EPRS1: variants seen among roughly 807,000 people sequenced by gnomAD.
EPRS1 encodes glutamyl-prolyl-tRNA synthetase 1, also known as bifunctional glutamate/proline--tRNA ligase.
EPRS1 carries 107 observed loss-of-function variants against 188.3 expected under a neutral mutation model. That is an observed-to-expected ratio of 0.57 (90% CI 0.49 to 0.67). The LOEUF (loss-of-function observed/expected upper bound fraction) is 0.67, where lower values mean the gene tolerates loss of function less well. EPRS1 is among the 30% of genes least tolerant of loss of function. The pLI, the probability that EPRS1 is intolerant of heterozygous loss-of-function variation, is 0.00. For synonymous variants in EPRS1, 596 were observed against 593.1 expected, an observed-to-expected ratio of 1.00 and a Z score of -0.07; for missense variants, 1,577 against 1,802.2, an observed-to-expected ratio of 0.88 and a Z score of 2.26.
chr1:219,982,647 A>G, intron 23 of EPRS1, 125 bp downstream of exon 23: 1 of 707,798 alleles, frequency 1.4e-6, no homozygotes, highest in South Asian at 2.0e-5. Context: ...CTTCATCAAC[A>G]TTCATGAAAT....
rs1265460148 is a variant in EPRS1, at chr1:220,007,212, T to C, written c.1732A>G (p.Lys578Glu). 1.2e-6 allele frequency: 2 copies of C among 1,610,442 alleles called. No homozygotes were observed. The highest frequency in any genetic ancestry group is 1.3e-5 in the African/African-American group (1 of 74,750). Residue 578 changes from lysine to glutamate, a missense_variant, in exon 14 of 32, where the codon AAA becomes GAA. This residue lies in a region of EPRS1 where 1,278 missense variants were observed against 1,457.4 expected (regional missense o/e 0.88). Coordinates refer to ENST00000366923, the MANE Select transcript of EPRS1 (RefSeq NM_004446.3). ...FINWGNLNIT[K>E]IHKNADGKII... ...ACAAAAAGTTCTTACTTGTGTATTT[T>C]TGTAATGTTGAGGTTGCCCCAATTT... is the stretch of plus-strand genomic sequence containing the variant.
At chr1:220,013,328 C>G (rs1398975663) in intron 12 of EPRS1, among the ~76,000 whole-genome samples, 1 of 152,102 alleles carries the variant, frequency 6.6e-6, no homozygotes, top group Non-Finnish European at 1.5e-5. Flanking sequence ...AAAACTCAGG[C>G]TGAGAAAACA....
At chr1:220,044,877 G>A (rs1465809044) in intron 1 of EPRS1, among the ~76,000 whole-genome samples, 6 of 152,060 alleles carry the variant, frequency 3.9e-5, no homozygotes, top group Admixed American at 3.9e-4. Flanking sequence ...TTGGACTCAG[G>A]TCTGCAGAAA....
intron 25 of EPRS1, among the ~76,000 whole-genome samples, chr1:219,980,500 T>C (rs192194379): frequency 1.3e-5 from 2 of 152,308 alleles, no homozygotes; most frequent in African/African-American, 2.4e-5. Context: ...AAGAAAGATA[T>C]ACAGTATCAA....
chr1:220,000,385 C>T (rs114676368), intron 17 of EPRS1, among the ~76,000 whole-genome samples: 1,670 of 152,332 alleles, frequency 0.011, 31 homozygotes, highest in African/African-American at 0.037. Context: ...AAAGTCACAG[C>T]TATTTTCACT....
intron 27 of EPRS1, among the ~76,000 whole-genome samples, chr1:219,979,174 C>T (rs1461266678): frequency 6.6e-6 from 1 of 152,018 alleles, no homozygotes. Flanking sequence ...TACTATAAAC[C>T]GTTTTTAAAA....
intron 8 of EPRS1, among the ~76,000 whole-genome samples, chr1:220,022,831 C>T (rs1472037099): frequency 2.0e-5 from 3 of 152,264 alleles, no homozygotes; most frequent in Non-Finnish European, 2.9e-5. Context: ...CCTAGTGTTT[C>T]CCTTCCCATC....
At chr1:220,021,487 C>T (rs538281523) in intron 9 of EPRS1, among the ~76,000 whole-genome samples, 6 of 152,312 alleles carry the variant, frequency 3.9e-5, no homozygotes, top group South Asian at 2.1e-4. Context: ...GCATGAGCCA[C>T]TGTGCCCAGC....
chr1:220,037,864 T>C (rs1662216603), intron 2 of EPRS1, among the ~76,000 whole-genome samples: 1 of 152,114 alleles, frequency 6.6e-6, no homozygotes, highest in African/African-American at 2.4e-5. Flanking sequence ...AATTACTCCA[T>C]GGAAAACTAA....
Position 219,994,422 on chromosome 1 carries a change from C to T in EPRS1, c.2541+2561G>A, listed in dbSNP as rs964376715. ...AAATAATTATCTTGTCTTTATTCAT[C>T]TTTCTTAAATGTATATACAGCTCAC... is the stretch of plus-strand genomic sequence containing the variant. On this transcript the variant is annotated intron_variant, in intron 18 of 31. Transcript: ENST00000366923. 6.6e-5 allele frequency among the ~76,000 whole-genome samples: 10 copies of T among 152,108 alleles called. No homozygotes were observed. The South Asian group carries it at 1.9e-3, about 28-fold the overall frequency.
intron 19 of EPRS1, among the ~76,000 whole-genome samples, 166 bp downstream of exon 19, chr1:219,988,424 C>T (rs1250991958): frequency 6.6e-6 from 1 of 151,282 alleles, no homozygotes; most frequent in Non-Finnish European, 1.5e-5. Context: ...ATCTAGTTGG[C>T]GTAAGAAACA....
intron 2 of EPRS1, among the ~76,000 whole-genome samples, chr1:220,036,941 ATAC>A (rs1368277913): frequency 6.6e-6 from 1 of 152,262 alleles, no homozygotes; most frequent in African/African-American, 2.4e-5. Flanking sequence ...GAACACTCAG[ATAC>A]TAAAAACATA....
At chr1:220,042,670 C>G (rs193095643) in intron 1 of EPRS1, among the ~76,000 whole-genome samples, 4 of 152,006 alleles carry the variant, frequency 2.6e-5, no homozygotes, top group Admixed American at 2.6e-4. Flanking sequence ...GCCTGTAATC[C>G]CAGCACTTTG....
intron 24 of EPRS1, 48 bp downstream of exon 24, chr1:219,981,330 A>G (rs1267535211): frequency 7.5e-7 from 1 of 1,327,332 alleles, no homozygotes; most frequent in Non-Finnish European, 1.0e-6. Flanking sequence ...AAAAAAAAAA[A>G]AAAAGAACAT....
rs1473338633 is a variant in EPRS1, at chr1:220,001,223, A to AT, written c.2095_2096insA (p.Leu699TyrfsTer6). The stretch of plus-strand genomic sequence containing the variant: ...TGTGTGCCCATCAGGAATGTATATC[A>AT]AAACACACGGGGCTTCCTTGCAACT... On this transcript the variant is annotated frameshift_variant, in exon 17 of 32. Coordinates refer to ENST00000366923, the MANE Select transcript of EPRS1 (RefSeq NM_004446.3). LOFTEE classifies it high-confidence loss of function. 1.2e-6 allele frequency: 2 copies of AT among 1,613,728 alleles called. No individual in the cohort carries two copies. The highest frequency in any genetic ancestry group is 1.7e-6 in the Non-Finnish European group (2 of 1,179,616).
chr1:220,043,493 A>C (rs1186210961), intron 1 of EPRS1, among the ~76,000 whole-genome samples: 2 of 152,242 alleles, frequency 1.3e-5, no homozygotes, highest in African/African-American at 4.8e-5. Flanking sequence ...AATCATAAAA[A>C]TCAAGTTAGG....
intron 5 of EPRS1, among the ~76,000 whole-genome samples, chr1:220,032,089 TTTTGA>T (rs947737660): frequency 8.6e-5 from 13 of 151,852 alleles, no homozygotes; most frequent in Non-Finnish European, 1.9e-4. Context: ...ATCTTTTTTT[TTTTGA>T]GATAGAGTCT....
At chr1:220,018,584 T>C (rs1346713589) in intron 11 of EPRS1, 76 bp from the exon 12 acceptor site, 11 of 811,258 alleles carry the variant, frequency 1.4e-5, no homozygotes, top group Middle Eastern at 3.5e-4. Flanking sequence ...ATGCTAAGCA[T>C]GTTTAGAAAA....
At chr1:220,016,423 T>C (rs1359252174) in intron 12 of EPRS1, among the ~76,000 whole-genome samples, 1 of 151,274 alleles carries the variant, frequency 6.6e-6, no homozygotes, top group Non-Finnish European at 1.5e-5. Flanking sequence ...CTTTTTTTTT[T>C]CTTTTGAGAC....
Sources: gnomAD v4.1 joint callset for allele counts (sites outside exome capture counted in the v4.1 genomes callset) on GRCh38, gnomAD v4.1.1 for gene constraint, gnomAD v4.1.1 regional missense constraint, MANE v1.5 for transcripts, NCBI Gene and HGNC (gene_info 2026-07-23, HGNC 2026-07-21) for gene names.